Variants in ATP8A2 observed in about 807,000 individuals in gnomAD.
ATP8A2 encodes ATPase phospholipid transporting 8A2.
ATP8A2 carries 100 observed loss-of-function variants against 165.6 expected under a neutral mutation model. The observed-to-expected ratio is 0.60, with a 90% CI of 0.51 to 0.71. ATP8A2 has a LOEUF of 0.71. Ranked by LOEUF, ATP8A2 falls within the 30% of genes least tolerant of loss-of-function variation. ATP8A2 has a pLI of 0.00. For missense variants in ATP8A2, 1,227 were observed against 1,479.5 expected (o/e 0.83, Z 2.80); for synonymous variants, 543 against 548.8 (o/e 0.99, Z 0.15).
intron 1 of ATP8A2, among the ~76,000 whole-genome samples, chr13:25,386,459 A>G (rs551795580): frequency 6.6e-6 from 1 of 152,316 alleles, no homozygotes; most frequent in East Asian, 1.9e-4. Context: ...TCAGCAAACT[A>G]TGCTAAGCCA....
chr13:25,654,569 TC>T (rs559168641), intron 24 of ATP8A2, among the ~76,000 whole-genome samples: 1 of 152,276 alleles, frequency 6.6e-6, no homozygotes, highest in South Asian at 2.1e-4. Context: ...CACTAGGCCA[TC>T]CTTTGGCTTT....
chr13:25,719,137 T>G (rs771481806), intron 25 of ATP8A2, among the ~76,000 whole-genome samples: 4 of 152,242 alleles, frequency 2.6e-5, no homozygotes, highest in African/African-American at 7.2e-5. Context: ...TGTCGGAAAC[T>G]TCCGTGATCC....
At chr13:25,718,155 C>T (rs1315984273) in intron 25 of ATP8A2, among the ~76,000 whole-genome samples, 2 of 151,874 alleles carry the variant, frequency 1.3e-5, no homozygotes, top group African/African-American at 2.4e-5. Context: ...GGCGTGGTGG[C>T]CTTTTAGAGT....
At chr13:25,568,754 TGATA>T (rs1379935398) in intron 16 of ATP8A2, among the ~76,000 whole-genome samples, 11 of 152,148 alleles carry the variant, frequency 7.2e-5, no homozygotes, top group Admixed American at 7.2e-4. Context: ...AATGGTTAAA[TGATA>T]GATATTACGT....
At chr13:25,950,372 A>C (rs1228533906) in intron 33 of ATP8A2, among the ~76,000 whole-genome samples, 1 of 152,166 alleles carries the variant, frequency 6.6e-6, no homozygotes, top group East Asian at 1.9e-4. Flanking sequence ...TTGGGTCCTA[A>C]GGAGAAAAAT....
intron 35 of ATP8A2, among the ~76,000 whole-genome samples, chr13:25,989,929 A>G (rs568328365): frequency 6.6e-6 from 1 of 152,194 alleles, no homozygotes; most frequent in Non-Finnish European, 1.5e-5. Flanking sequence ...CAAAGTTAGG[A>G]TGTAGCCTTG....
At chr13:25,960,154 G>T (rs1955626561) in intron 33 of ATP8A2, among the ~76,000 whole-genome samples, 1 of 152,228 alleles carries the variant, frequency 6.6e-6, no homozygotes, top group Non-Finnish European at 1.5e-5. Context: ...GGGTGCTTGG[G>T]ATCAGGGTAA....
intron 20 of ATP8A2, 65 bp from the exon 21 acceptor site, chr13:25,578,750 C>CT (rs2039688563): frequency 2.2e-6 from 2 of 918,034 alleles, no homozygotes; most frequent in Non-Finnish European, 1.8e-6. Context: ...CAAAGCCATG[C>CT]TTAGTATGCT....
chr13:26,010,839 A>G (rs1294324106), intron 35 of ATP8A2, among the ~76,000 whole-genome samples: 1 of 152,232 alleles, frequency 6.6e-6, no homozygotes, highest in Admixed American at 6.5e-5. Flanking sequence ...TGCCAAGCTT[A>G]GCTAGCTGAG....
chr13:25,864,552 T>G (rs561583027), intron 33 of ATP8A2, among the ~76,000 whole-genome samples: 39 of 152,346 alleles, frequency 2.6e-4, no homozygotes, highest in African/African-American at 9.4e-4. Flanking sequence ...TTAAGGACTC[T>G]TCCAGCAGAA....
chr13:25,472,630 T>C (rs1165636915), intron 2 of ATP8A2, among the ~76,000 whole-genome samples: 1 of 152,228 alleles, frequency 6.6e-6, no homozygotes, highest in East Asian at 1.9e-4. Flanking sequence ...TTTAATATAA[T>C]TTTTCTGGAG....
intron 27 of ATP8A2, among the ~76,000 whole-genome samples, chr13:25,786,755 T>G (rs7336163): frequency 9.6e-6 from 1 of 104,012 alleles, no homozygotes; most frequent in Admixed American, 1.0e-4. Context: ...CAATTCTATG[T>G]TTTTTTTTTT....
intron 27 of ATP8A2, among the ~76,000 whole-genome samples, chr13:25,811,757 T>G (rs1204039464): frequency 6.6e-6 from 1 of 152,146 alleles, no homozygotes; most frequent in African/African-American, 2.4e-5. Flanking sequence ...GCTACTCAGA[T>G]AGCTGAAGCA....
chr13:25,768,055 T>C (rs1044541709), intron 25 of ATP8A2, among the ~76,000 whole-genome samples: 1 of 131,702 alleles, frequency 7.6e-6, no homozygotes, highest in African/African-American at 3.0e-5. Flanking sequence ...ACTTTGTGTT[T>C]ATTCTGTGTG....
intron 5 of ATP8A2, 51 bp downstream of exon 5, chr13:25,532,368 G>C: frequency 7.4e-7 from 1 of 1,344,880 alleles, no homozygotes. Context: ...TAAGAATAAG[G>C]CCTGCATTTA....
intron 25 of ATP8A2, among the ~76,000 whole-genome samples, chr13:25,721,706 G>T (rs1354344758): frequency 1.3e-5 from 2 of 152,142 alleles, no homozygotes; most frequent in East Asian, 3.9e-4. Flanking sequence ...ATGCAGTCTT[G>T]CATGTGTCTG....
At chr13:25,714,698 C>T (rs961471260) in intron 25 of ATP8A2, among the ~76,000 whole-genome samples, 4 of 152,220 alleles carry the variant, frequency 2.6e-5, no homozygotes, top group Non-Finnish European at 4.4e-5. Context: ...CTTCTCATGA[C>T]AGTTGCTGAA....
intron 2 of ATP8A2, among the ~76,000 whole-genome samples, chr13:25,527,988 G>T (rs1376461298): frequency 6.6e-6 from 1 of 152,148 alleles, no homozygotes; most frequent in African/African-American, 2.4e-5. Flanking sequence ...AATGTTGATT[G>T]CTTTATTTCA....
At chr13:25,885,105 CTTTTTTTTTTT>C (rs869044168) in intron 33 of ATP8A2, among the ~76,000 whole-genome samples, 3 of 88,600 alleles carry the variant, frequency 3.4e-5, no homozygotes, top group Non-Finnish European at 6.3e-5. Flanking sequence ...TCTCCGCTTG[CTTTTTTTTTTT>C]TTTTTTTTTT....
Sources: allele counts gnomAD v4.1 joint callset (sites outside exome capture counted in the v4.1 genomes callset), GRCh38; gene constraint gnomAD v4.1.1; transcripts MANE v1.5; gene names NCBI Gene and HGNC (gene_info 2026-07-23, HGNC 2026-07-21).